Variants in GFPT1 observed in about 807,000 individuals in gnomAD.
GFPT1 encodes glutamine--fructose-6-phosphate transaminase 1.
Under a neutral mutation model 92.0 loss-of-function variants are expected in GFPT1, and 40 were observed. That is an observed-to-expected ratio of 0.43 (90% CI 0.34 to 0.57). The LOEUF is 0.57. Ranked by LOEUF, GFPT1 falls within the 20% of genes least tolerant of loss-of-function variation. GFPT1 has a pLI of 0.02. For synonymous variants in GFPT1, 269 were observed against 280.6 expected (o/e 0.96, Z 0.41); for missense variants, 448 against 869.1 (o/e 0.52, Z 6.09).
intron 4 of GFPT1, among the ~76,000 whole-genome samples, chr2:69,361,447 C>CAAAAA (rs558027010): frequency 2.3e-5 from 2 of 87,954 alleles, no homozygotes; most frequent in Non-Finnish European, 4.5e-5. Flanking sequence ...GATTCCTTCT[C>CAAAAA]AAAAAAAAAA....
At chr2:69,328,739 C>T (rs905976131) in intron 17 of GFPT1, among the ~76,000 whole-genome samples, 9 of 141,752 alleles carry the variant, frequency 6.3e-5, no homozygotes, top group African/African-American at 1.9e-4. Flanking sequence ...CTTCTTCGAT[C>T]GCCCAGGCTG....
rs1014713332 is a variant in GFPT1 at position 69,321,899 on chromosome 2, T to C, written c.*4290A>G. ...GTTATTACAGACTTAAAAGTTAATA[T>C]AGCATAATTTTACAATCGTACTTTC... On this transcript the variant is annotated 3_prime_UTR_variant, in exon 20 of 20. Transcript: ENST00000357308. 9.8e-5 allele frequency: 15 copies of C among 152,332 alleles called. No homozygotes were observed. The highest frequency in any genetic ancestry group is 3.3e-4 in the Admixed American group (5 of 15,300). The allele number at this position is 152,332 out of a possible 1,614,324, so 9.4% of individuals were successfully genotyped here.
chr2:69,380,245 A>C (rs6713769), intron 1 of GFPT1, among the ~76,000 whole-genome samples: 1 of 151,828 alleles, frequency 6.6e-6, no homozygotes, highest in East Asian at 2.0e-4. Flanking sequence ...GCTGAGGCAG[A>C]AGAATCACTT....
At chr2:69,372,315 A>T (rs1194257438) in intron 2 of GFPT1, among the ~76,000 whole-genome samples, 1 of 152,048 alleles carries the variant, frequency 6.6e-6, no homozygotes, top group African/African-American at 2.4e-5. Context: ...CACGCCTATA[A>T]TCCCAGCACT....
chr2:69,360,640 T>C (rs1392878785), intron 4 of GFPT1, among the ~76,000 whole-genome samples: 3 of 152,054 alleles, frequency 2.0e-5, no homozygotes, highest in Non-Finnish European at 4.4e-5. Flanking sequence ...TCTCGCTATG[T>C]TGCCCAGGCT....
At chr2:69,360,691 A>G (rs1671450955) in intron 4 of GFPT1, among the ~76,000 whole-genome samples, 1 of 152,032 alleles carries the variant, frequency 6.6e-6, no homozygotes. Context: ...TCATCCTTCC[A>G]GTGTCTTGAG....
At chr2:69,339,679 A>G (rs2104619321) in intron 13 of GFPT1, among the ~76,000 whole-genome samples, 1 of 152,302 alleles carries the variant, frequency 6.6e-6, no homozygotes, top group Non-Finnish European at 1.5e-5. Context: ...CTTCTCAGCA[A>G]TAAAGAACTT....
At chr2:69,356,669 G>C in intron 6 of GFPT1, 112 bp from the exon 7 acceptor site, 2 of 779,002 alleles carry the variant, frequency 2.6e-6, no homozygotes, top group Middle Eastern at 2.3e-4. Context: ...ATGCTCTTTT[G>C]TACCAGTTTA....
chr2:69,354,648 C>T (rs772706832), intron 7 of GFPT1, 80 bp from the exon 8 acceptor site: 11 of 814,888 alleles, frequency 1.3e-5, no homozygotes, highest in Non-Finnish European at 2.2e-5. Flanking sequence ...TGGGCCAATA[C>T]TCTTCAAATG....
rs1291599388 is a variant in GFPT1, at chr2:69,320,824, C to T, written c.*5365G>A. ...AAAGAAGCCTCTGGAAAAAATGACG[C>T]ATCTTGGTGGCGCAGCCTTAGGCTC... On this transcript the variant is annotated 3_prime_UTR_variant, in exon 20 of 20. Coordinates refer to ENST00000357308, the MANE Select transcript of GFPT1 (RefSeq NM_001244710.2). 1 of 151,636 alleles carries T rather than the reference C, an allele frequency of 6.6e-6. No homozygotes were observed. Among genetic ancestry groups the T allele is most frequent in the Non-Finnish European group, 1.5e-5 (1 of 68,072 alleles). The allele number at this position is 151,636 out of a possible 1,614,324, so 9.4% of individuals were successfully genotyped here. A position where few individuals can be genotyped will look rare whatever the true frequency, so the allele number is the denominator to read the frequency against.
chr2:69,374,290 CA>C (rs1383636332), intron 1 of GFPT1, among the ~76,000 whole-genome samples, 177 bp from the exon 2 acceptor site: 1 of 150,658 alleles, frequency 6.6e-6, no homozygotes, highest in Non-Finnish European at 1.5e-5. Flanking sequence ...AAAAACTAAA[CA>C]TGTCAAAATA....
At chr2:69,331,130 T>G (rs1285419356) in intron 15 of GFPT1, among the ~76,000 whole-genome samples, 1 of 152,218 alleles carries the variant, frequency 6.6e-6, no homozygotes, top group African/African-American at 2.4e-5. Context: ...GTGCCTGTTT[T>G]GTCAAGTTCT....
At position 69,358,480 on chromosome 2, in the gene GFPT1, A is replaced by G; in HGVS notation, c.409-17T>C. 1 of 1,554,316 alleles carries G rather than the reference A, an allele frequency of 6.4e-7. No individual in the cohort carries two copies. ...TTTGCTTTCCTGTAAGTAGAAAGAA[A>G]AAAAAGATACAATTAAAGAAATATT... On this transcript the variant is annotated splice_polypyrimidine_tract_variant and intron_variant, in intron 5 of 19. Transcript: ENST00000357308.
At chr2:69,329,489 G>T in intron 16 of GFPT1, 65 bp from the exon 17 acceptor site, 1 of 1,281,254 alleles carries the variant, frequency 7.8e-7, no homozygotes, top group Non-Finnish European at 1.1e-6. Flanking sequence ...TATATTGGCA[G>T]CAAATAACAA....
intron 15 of GFPT1, among the ~76,000 whole-genome samples, chr2:69,332,657 T>A (rs1362404600): frequency 6.6e-6 from 1 of 152,112 alleles, no homozygotes; most frequent in African/African-American, 2.4e-5. Flanking sequence ...CCAATAGTTA[T>A]TTTGAAAAAC....
At chr2:69,385,210 G>GATTT (rs773885163) in intron 1 of GFPT1, among the ~76,000 whole-genome samples, 41 of 151,990 alleles carry the variant, frequency 2.7e-4, no homozygotes, top group Non-Finnish European at 4.6e-4. Context: ...TTCCATATCT[G>GATTT]ATTTATTTAT....
At chr2:69,343,141 T>C (rs1388285965) in intron 12 of GFPT1, among the ~76,000 whole-genome samples, 2 of 152,194 alleles carry the variant, frequency 1.3e-5, no homozygotes, top group Admixed American at 6.5e-5. Flanking sequence ...TACATGTTGT[T>C]CTCCATGTGT....
At chr2:69,358,776 G>A (rs1671401930) in intron 5 of GFPT1, among the ~76,000 whole-genome samples, 1 of 152,104 alleles carries the variant, frequency 6.6e-6, no homozygotes, top group South Asian at 2.1e-4. Flanking sequence ...ACCACATGTG[G>A]ACAGTGGCTA....
intron 15 of GFPT1, among the ~76,000 whole-genome samples, chr2:69,337,060 ATTTTTTT>A (rs376497924): frequency 8.4e-6 from 1 of 118,504 alleles, no homozygotes; most frequent in Non-Finnish European, 1.7e-5. Flanking sequence ...CAAATTTTAA[ATTTTTTT>A]TTTTTTTTTT....
Sources: gnomAD v4.1 joint callset for allele counts (sites outside exome capture counted in the v4.1 genomes callset) on GRCh38, gnomAD v4.1.1 for gene constraint, MANE v1.5 for transcripts, NCBI Gene and HGNC (gene_info 2026-07-23, HGNC 2026-07-21) for gene names.